Variants in GSE1 observed in about 807,000 individuals in gnomAD.
GSE1 encodes the protein Gse1 coiled-coil protein.
In GSE1, 32 loss-of-function variants were observed where a neutral mutation model predicts 112.6. The observed-to-expected ratio is 0.28, with a 90% CI of 0.21 to 0.38. The LOEUF is 0.38. Among genes scored for constraint, GSE1 ranks in the 10% least tolerant of loss-of-function variants. The pLI, the probability that GSE1 is intolerant of heterozygous loss-of-function variation, is 1.00. For synonymous variants in GSE1, 1,115 were observed against 735.6 expected, an observed-to-expected ratio of 1.52 and a Z score of -8.35; for missense variants, 2,348 against 1,699.2, an observed-to-expected ratio of 1.38 and a Z score of -6.71.
intron 2 of GSE1, among the ~76,000 whole-genome samples, chr16:85,461,901 C>CATG (rs2049979649): frequency 6.6e-6 from 1 of 152,198 alleles, no homozygotes; most frequent in East Asian, 1.9e-4. Flanking sequence ...CAGCCCTGCC[C>CATG]CTCCTTCCTG....
chr16:85,436,194 G>A (rs1014246642), intron 2 of GSE1, among the ~76,000 whole-genome samples: 2 of 152,164 alleles, frequency 1.3e-5, no homozygotes, highest in African/African-American at 2.4e-5. Flanking sequence ...TCCTCCAAAA[G>A]TTCACCCCTA....
intron 2 of GSE1, among the ~76,000 whole-genome samples, chr16:85,462,673 C>T (rs958134372): frequency 4.0e-5 from 1 of 24,694 alleles, no homozygotes; most frequent in Non-Finnish European, 8.2e-5. Context: ...GGAGCGCGGG[C>T]GGGGGAGGGC....
At chr16:85,588,636 C>G (rs1018951582) in intron 1 of GSE1, among the ~76,000 whole-genome samples, 5 of 152,232 alleles carry the variant, frequency 3.3e-5, no homozygotes, top group African/African-American at 1.2e-4. Flanking sequence ...TTTGCTGGGA[C>G]AAGAAGTATT....
chr16:85,669,574 C>T (rs987584438), intron 14 of GSE1, among the ~76,000 whole-genome samples: 3 of 152,174 alleles, frequency 2.0e-5, no homozygotes, highest in Admixed American at 6.5e-5. Context: ...TCTTTTAGTG[C>T]ACTCGTATAT....
rs1008070186 is a variant in GSE1 at position 85,654,523 on chromosome 16, C to T, written c.599+73C>T. 4.2e-5 allele frequency: 56 copies of T among 1,323,190 alleles called. 1 individual carries two copies. The highest frequency in any genetic ancestry group is 5.6e-5 in the Non-Finnish European group (53 of 953,102). 82.0% of individuals were successfully genotyped at this position (1,323,190 alleles called of 1,614,324 possible). ...AGTGCTCAGGGTCTGGGTCCCCAGG[C>T]AGCCTGCGGTCTGCACAGATGAGGC... On this transcript the variant is annotated intron_variant, in intron 4 of 15. Coordinates refer to ENST00000253458, the MANE Select transcript of GSE1 (RefSeq NM_014615.5).
intron 2 of GSE1, among the ~76,000 whole-genome samples, chr16:85,637,705 G>C (rs1270130273): frequency 1.3e-5 from 2 of 151,552 alleles, no homozygotes; most frequent in Non-Finnish European, 2.9e-5. Context: ...TTGTGCCTGA[G>C]ACTCCATAGA....
intron 1 of GSE1, among the ~76,000 whole-genome samples, chr16:85,187,293 G>T (rs2074724054): frequency 6.6e-6 from 1 of 152,254 alleles, no homozygotes; most frequent in Admixed American, 6.5e-5. Context: ...AGAGCTGGCA[G>T]CCCCGCAGCT....
At chr16:85,333,874 G>C (rs1399405875) in intron 1 of GSE1, among the ~76,000 whole-genome samples, 2 of 152,156 alleles carry the variant, frequency 1.3e-5, no homozygotes, top group African/African-American at 4.8e-5. Context: ...CAGACGCCCC[G>C]TGCTCAAGCT....
chr16:85,395,947 C>T (rs114005178), intron 2 of GSE1, among the ~76,000 whole-genome samples: 1 of 152,316 alleles, frequency 6.6e-6, no homozygotes, highest in East Asian at 1.9e-4. Context: ...CCTGCAGAGC[C>T]CACAGCCCTG....
intron 1 of GSE1, among the ~76,000 whole-genome samples, chr16:85,601,518 C>A (rs1043225940): frequency 6.6e-6 from 1 of 152,010 alleles, no homozygotes; most frequent in African/African-American, 2.4e-5. Flanking sequence ...AGGTAGAAAT[C>A]AAGGTGGGGG....
intron 1 of GSE1, among the ~76,000 whole-genome samples, chr16:85,349,587 C>T (rs1040408007): frequency 3.3e-5 from 5 of 152,046 alleles, no homozygotes; most frequent in South Asian, 2.1e-4. Context: ...TGGCTGTGCC[C>T]GCCGCCCTCC....
At chr16:85,546,139 C>T (rs979607965) in intron 2 of GSE1, among the ~76,000 whole-genome samples, 1 of 152,182 alleles carries the variant, frequency 6.6e-6, no homozygotes, top group East Asian at 1.9e-4. Context: ...GGCTAGAGTA[C>T]AGTGGCCCGA....
At chr16:85,549,740 A>G (rs1445294510) in intron 2 of GSE1, among the ~76,000 whole-genome samples, 1 of 152,218 alleles carries the variant, frequency 6.6e-6, no homozygotes, top group Non-Finnish European at 1.5e-5. Flanking sequence ...TAGACGGTCC[A>G]GGGACCTAAG....
Position 85,661,186 on chromosome 16 carries a change from C to T in GSE1, c.1681C>T (p.Pro561Ser). 6.2e-7 allele frequency: 1 copy of T among 1,603,464 alleles called. No homozygotes were observed. Reference sequence around the variant, plus strand: ...TCACGAGCCAGGTGGCCGTGACCCTCCGCAGCACTTTGGGGGGCCACCACC... The same window carrying T: ...TCACGAGCCAGGTGGCCGTGACCCTTCGCAGCACTTTGGGGGGCCACCACC... Reference protein sequence around the residue: ...NRHEPGGRDPPQHFGGPPPLI... With the variant: ...NRHEPGGRDPSQHFGGPPPLI... The change falls in exon 9 of 16, where the codon CCG becomes TCG. Residue 561 changes from proline (P) to serine (S), a missense_variant. Pro to Ser is a moderately conservative substitution (Grantham distance 74, BLOSUM62 -1). Transcript: ENST00000253458.
intron 1 of GSE1, among the ~76,000 whole-genome samples, chr16:85,181,746 A>C (rs1368351882): frequency 6.6e-6 from 1 of 152,056 alleles, no homozygotes; most frequent in East Asian, 1.9e-4. Flanking sequence ...TCCAGACACG[A>C]CAGGACTGGC....
chr16:85,261,887 G>T lies in GSE1; in HGVS notation c.2283+90080G>T, dbSNP rs899648740. Among the ~76,000 whole-genome samples the T allele has an allele frequency of 2.5e-4, 38 of 152,200 alleles. 1 individual carries two copies. Among genetic ancestry groups the T allele is most frequent in the Admixed American group, 2.5e-3 (38 of 15,284 alleles). The stretch of plus-strand genomic sequence containing the variant: ...CTGTGATTTGGTGCCCGCTTTGGCT[G>T]TCCCTGGGGGGCTAAACCCTCGTGT... On this transcript the variant is annotated intron_variant, in intron 1 of 2. Coordinates refer to the GSE1 transcript ENST00000637419.
intron 1 of GSE1, among the ~76,000 whole-genome samples, chr16:85,290,742 G>A (rs530523997): frequency 2.6e-5 from 4 of 151,404 alleles, no homozygotes; most frequent in Non-Finnish European, 5.9e-5. Flanking sequence ...GGCCACCCAC[G>A]AGCTGTCCGG....
At chr16:85,389,042 C>T (rs1406073894) in intron 2 of GSE1, among the ~76,000 whole-genome samples, 1 of 152,208 alleles carries the variant, frequency 6.6e-6, no homozygotes, top group Non-Finnish European at 1.5e-5. Context: ...GAATGGCCCT[C>T]ATTGACTGGG....
intron 1 of GSE1, among the ~76,000 whole-genome samples, chr16:85,245,397 G>A (rs1007236699): frequency 1.3e-5 from 2 of 152,300 alleles, no homozygotes; most frequent in Non-Finnish European, 2.9e-5. Flanking sequence ...GTGTGTGGAC[G>A]TCATGCTGCG....
Sources: gnomAD v4.1 joint callset for allele counts (sites outside exome capture counted in the v4.1 genomes callset) on GRCh38, gnomAD v4.1.1 for gene constraint, MANE v1.5 for transcripts, NCBI Gene and HGNC (gene_info 2026-07-23, HGNC 2026-07-21) for gene names.